TENM1: variants seen among roughly 807,000 people sequenced by gnomAD.
TENM1 encodes the protein teneurin transmembrane protein 1, also known as teneurin-1.
In TENM1, 35 loss-of-function variants were observed where a neutral mutation model predicts 174.8. The ratio of observed to expected loss-of-function variants is 0.20; its 90% CI spans 0.15 to 0.27. TENM1 has a LOEUF of 0.27. Ranked by LOEUF, TENM1 falls within the 10% of genes least tolerant of loss-of-function variation. The probability of loss-of-function intolerance (pLI) is 1.00; values close to 1 mark genes in which losing one functional copy is unlikely to be tolerated. For missense variants in TENM1, 1,633 were observed against 2,130.1 expected, an observed-to-expected ratio of 0.77 and a Z score of 4.59; for synonymous variants, 781 against 798.7, an observed-to-expected ratio of 0.98 and a Z score of 0.37.
At chrX:124,555,598 A>C (rs780760139) in intron 14 of TENM1, among the ~76,000 whole-genome samples, 1 of 112,027 alleles carries the variant, frequency 8.9e-6, no homozygotes, top group Admixed American at 9.5e-5. Context: ...TCAGAGCAAC[A>C]TGAATTTTGC....
At chrX:125,058,594 T>C in the TENM1 span, among the ~76,000 whole-genome samples, 1 of 111,359 alleles carries the variant, frequency 9.0e-6, no homozygotes, top group Non-Finnish European at 1.9e-5. Context: ...TTTTGGTGCA[T>C]CTGCCTAATA....
At chrX:124,925,060 T>G (rs2058073900) in intron 1 of TENM1, among the ~76,000 whole-genome samples, 1 of 109,808 alleles carries the variant, frequency 9.1e-6, no homozygotes, top group Non-Finnish European at 1.9e-5. Flanking sequence ...CTAGCAGAGA[T>G]CCCATTGTTT....
At chrX:124,499,491 T>C (rs746020605) in intron 19 of TENM1, among the ~76,000 whole-genome samples, 1 of 111,957 alleles carries the variant, frequency 8.9e-6, no homozygotes, top group East Asian at 2.8e-4. Flanking sequence ...CAGCTGTGAG[T>C]TTATGCCCTA....
chrX:124,484,685 T>C (rs5958503), intron 21 of TENM1, among the ~76,000 whole-genome samples: 1,148 of 110,984 alleles, frequency 0.01, 16 homozygotes, highest in African/African-American at 0.034. Context: ...TTTTTTAGCC[T>C]TTCCTTTCTT....
intron 15 of TENM1, among the ~76,000 whole-genome samples, chrX:124,540,889 C>A (rs914647175): frequency 8.9e-6 from 1 of 111,785 alleles, no homozygotes; most frequent in Non-Finnish European, 1.9e-5. Flanking sequence ...CCTGATATTG[C>A]TCCTTATATT....
the TENM1 span, among the ~76,000 whole-genome samples, chrX:124,969,861 T>C: frequency 2.7e-5 from 3 of 112,228 alleles, no homozygotes; most frequent in Non-Finnish European, 3.8e-5. Context: ...GATTGGATTA[T>C]CTCAAAGAAC....
At chrX:124,669,170 A>C (rs1462898781) in intron 6 of TENM1, among the ~76,000 whole-genome samples, 5 of 112,216 alleles carry the variant, frequency 4.5e-5, no homozygotes, top group Non-Finnish European at 9.4e-5. Flanking sequence ...TACTATGACC[A>C]TATGAGACAG....
At chrX:124,611,684 A>G (rs183912964) in intron 11 of TENM1, among the ~76,000 whole-genome samples, 1 of 112,014 alleles carries the variant, frequency 8.9e-6, no homozygotes, top group East Asian at 2.8e-4. Flanking sequence ...GGAACAGATC[A>G]CAGAATGATC....
intron 3 of TENM1, among the ~76,000 whole-genome samples, chrX:124,769,616 T>C (rs1238770071): frequency 8.9e-6 from 1 of 112,238 alleles, no homozygotes; most frequent in African/African-American, 3.2e-5. Flanking sequence ...TAAAAGTCAA[T>C]GTTTTGAGTT....
chrX:124,676,864 C>CA (rs57417124), intron 5 of TENM1, among the ~76,000 whole-genome samples: 7,304 of 56,910 alleles, frequency 0.13, 317 homozygotes, highest in Admixed American at 0.16. Context: ...CTCATTGACT[C>CA]AAAAAAAAAA....
At chrX:124,480,485 A>C (rs2147933291) in intron 22 of TENM1, among the ~76,000 whole-genome samples, 1 of 112,394 alleles carries the variant, frequency 8.9e-6, no homozygotes, top group East Asian at 2.8e-4. Flanking sequence ...CACTACATTT[A>C]TTGGCATGGA....
the TENM1 span, among the ~76,000 whole-genome samples, chrX:125,033,404 C>T: frequency 9.0e-6 from 1 of 111,552 alleles, no homozygotes; most frequent in African/African-American, 3.3e-5. Flanking sequence ...ACCCCAAAAA[C>T]TCAATGAGTA....
chrX:124,513,185 A>G (rs1470149881), intron 18 of TENM1, among the ~76,000 whole-genome samples: 1 of 111,880 alleles, frequency 8.9e-6, no homozygotes, highest in Non-Finnish European at 1.9e-5. Flanking sequence ...TCCTTTCCAG[A>G]GGCTCTAAGG....
chrX:125,186,852 G>A, the TENM1 span, among the ~76,000 whole-genome samples: 1 of 112,183 alleles, frequency 8.9e-6, no homozygotes, highest in African/African-American at 3.2e-5. Context: ...TAAGGAAGGA[G>A]CTGTGCTATT....
chrX:124,517,605 T>C (rs2047737826), intron 18 of TENM1, among the ~76,000 whole-genome samples: 1 of 91,512 alleles, frequency 1.1e-5, no homozygotes, highest in Admixed American at 1.4e-4. Context: ...TAGGTGGGAA[T>C]TGAATAATGA....
the TENM1 span, among the ~76,000 whole-genome samples, chrX:125,125,363 ATTTT>A: frequency 2.7e-5 from 3 of 112,126 alleles, no homozygotes; most frequent in African/African-American, 9.7e-5. Flanking sequence ...TTTAGAATTT[ATTTT>A]TTTAACTCTG....
At chrX:124,966,640 C>A (rs7888507), upstream of TENM1, among the ~76,000 whole-genome samples, 1 of 102,212 alleles carries the variant, frequency 9.8e-6, no homozygotes, top group Non-Finnish European at 2.0e-5. Context: ...CCAGCCTGGG[C>A]GACAGAGCGA....
At chrX:124,953,998 A>C (rs1490816362) in intron 1 of TENM1, among the ~76,000 whole-genome samples, 2 of 112,030 alleles carry the variant, frequency 1.8e-5, no homozygotes, top group East Asian at 5.6e-4. Context: ...AGAAGCAGCA[A>C]GACCAAAGAA....
At chrX:124,880,317 T>C (rs1238231281) in intron 3 of TENM1, among the ~76,000 whole-genome samples, 4 of 111,794 alleles carry the variant, frequency 3.6e-5, no homozygotes, top group Non-Finnish European at 7.5e-5. Context: ...TTTCTTGATT[T>C]TTCCTCAGCT....
Sources: allele counts gnomAD v4.1 joint callset (sites outside exome capture counted in the v4.1 genomes callset), GRCh38; gene constraint gnomAD v4.1.1; transcripts MANE v1.5; gene names NCBI Gene and HGNC (gene_info 2026-07-23, HGNC 2026-07-21).